Variants in SNTG1 observed in about 807,000 individuals in gnomAD.
SNTG1 encodes the protein gamma-1-syntrophin.
In SNTG1, 39 loss-of-function variants were observed where a neutral mutation model predicts 74.7. That is an observed-to-expected ratio of 0.52 (90% CI 0.40 to 0.68). The LOEUF (loss-of-function observed/expected upper bound fraction) is 0.68. SNTG1 is among the 30% of genes least tolerant of loss of function. The pLI is 0.00. For missense variants in SNTG1, 685 were observed against 609.5 expected (o/e 1.12, Z -1.30); for synonymous variants, 254 against 217.1 (o/e 1.17, Z -1.49).
chr8:50,169,648 A>G (rs185639578), intron 1 of SNTG1, among the ~76,000 whole-genome samples: 84 of 152,244 alleles, frequency 5.5e-4, no homozygotes, highest in Middle Eastern at 3.4e-3. Flanking sequence ...ACATTGATTA[A>G]CCTACCATTT....
chr8:50,435,250 G>A (rs953369990), intron 4 of SNTG1, among the ~76,000 whole-genome samples: 1 of 152,090 alleles, frequency 6.6e-6, no homozygotes, highest in East Asian at 1.9e-4. Context: ...TTAAATAAAG[G>A]CATTATATAT....
In SNTG1 at chr8:50,223,163, G is replaced by A. The variant is rs138439420; in HGVS notation, c.-28+50528G>A. ...AAAGATATATCAAGGGGAGGGTGATGAGGAATGACTGCTAATGGGTATAGG... is the reference window on the plus strand; with the variant it reads ...AAAGATATATCAAGGGGAGGGTGATAAGGAATGACTGCTAATGGGTATAGG... On this transcript the variant is annotated intron_variant, in intron 2 of 18. Transcript: ENST00000642720. Among the ~76,000 whole-genome samples the A allele has an allele frequency of 1.2e-3, 181 of 152,234 alleles. 2 individuals are homozygous for A. Among genetic ancestry groups the A allele is most frequent in the African/African-American group, 4.1e-3 (172 of 41,538 alleles).
chr8:50,043,477 G>A (rs1291352831), intron 1 of SNTG1, among the ~76,000 whole-genome samples: 2 of 152,154 alleles, frequency 1.3e-5, no homozygotes, highest in African/African-American at 4.8e-5. Context: ...TATTCACATT[G>A]AATTTATGAA....
At chr8:50,612,420 A>C (rs947274647) in intron 13 of SNTG1, among the ~76,000 whole-genome samples, 2 of 152,170 alleles carry the variant, frequency 1.3e-5, no homozygotes, top group African/African-American at 4.8e-5. Context: ...GCTTTCTCTA[A>C]ATTTCTCTTC....
intron 2 of SNTG1, among the ~76,000 whole-genome samples, chr8:50,331,931 G>A (rs1190191118): frequency 1.3e-5 from 2 of 152,220 alleles, no homozygotes; most frequent in Non-Finnish European, 2.9e-5. Flanking sequence ...TCAGAAGTCA[G>A]TCATGCCTGA....
intron 1 of SNTG1, among the ~76,000 whole-genome samples, chr8:50,106,269 A>T (rs915278906): frequency 1.3e-5 from 2 of 152,088 alleles, no homozygotes; most frequent in Non-Finnish European, 1.5e-5. Context: ...AGGAATTGTC[A>T]CACAGTTTTA....
intron 1 of SNTG1, among the ~76,000 whole-genome samples, chr8:49,969,805 T>C (rs1811493062): frequency 6.6e-6 from 1 of 152,134 alleles, no homozygotes; most frequent in South Asian, 2.1e-4. Flanking sequence ...CATCATGGTG[T>C]ATGTTCCAAG....
chr8:50,410,377 G>A (rs2092931776), intron 4 of SNTG1, among the ~76,000 whole-genome samples: 1 of 151,974 alleles, frequency 6.6e-6, no homozygotes, highest in African/African-American at 2.4e-5. Flanking sequence ...AATACACGTT[G>A]TCTATATTTT....
intron 8 of SNTG1, among the ~76,000 whole-genome samples, chr8:50,488,663 G>A (rs1355560401): frequency 1.3e-5 from 2 of 152,036 alleles, no homozygotes; most frequent in African/African-American, 2.4e-5. Flanking sequence ...TGAGCACTAG[G>A]CAATGACCAT....
intron 9 of SNTG1, among the ~76,000 whole-genome samples, chr8:50,522,128 A>C (rs2094184536): frequency 6.6e-6 from 1 of 152,110 alleles, no homozygotes. Flanking sequence ...ATATTTCTTA[A>C]ATAATATGAC....
At chr8:49,981,487 T>G (rs1023397455) in intron 1 of SNTG1, among the ~76,000 whole-genome samples, 13 of 152,128 alleles carry the variant, frequency 8.5e-5, no homozygotes, top group Admixed American at 6.5e-5. Context: ...AGTAGTGCAC[T>G]ATTGTTTGTA....
intron 9 of SNTG1, among the ~76,000 whole-genome samples, chr8:50,509,479 G>A (rs1258981445): frequency 2.0e-5 from 3 of 151,910 alleles, no homozygotes; most frequent in Non-Finnish European, 4.4e-5. Flanking sequence ...TGATGGGGAT[G>A]GCATTGAATC....
chr8:49,952,668 T>C (rs1019769805), intron 1 of SNTG1, among the ~76,000 whole-genome samples: 1 of 152,220 alleles, frequency 6.6e-6, no homozygotes, highest in Non-Finnish European at 1.5e-5. Context: ...GAGGCAGTGA[T>C]AGGATTGTGC....
intron 1 of SNTG1, among the ~76,000 whole-genome samples, chr8:50,103,422 T>C (rs1297480096): frequency 5.9e-5 from 9 of 151,880 alleles, no homozygotes; most frequent in East Asian, 1.9e-4. Context: ...TATCCTGAGA[T>C]TTTGCTGAAG....
intron 2 of SNTG1, among the ~76,000 whole-genome samples, chr8:50,353,369 C>A (rs867321077): frequency 4.6e-5 from 7 of 152,080 alleles, no homozygotes; most frequent in Admixed American, 4.6e-4. Flanking sequence ...CAAACCTGAA[C>A]GTAGTGCACA....
At chr8:50,163,869 T>C (rs1013633010) in intron 1 of SNTG1, 1 of 152,170 alleles carries the variant, frequency 6.6e-6, no homozygotes, top group African/African-American at 2.4e-5. Context: ...ACATGACAAG[T>C]TTAAGAATTC....
chr8:50,487,873 A>T (rs563013545), intron 8 of SNTG1, among the ~76,000 whole-genome samples: 1 of 152,308 alleles, frequency 6.6e-6, no homozygotes, highest in African/African-American at 2.4e-5. Flanking sequence ...AGTCTCTAGA[A>T]CTAAAGGGCT....
chr8:50,649,285 G>T (rs2095129519), intron 13 of SNTG1, among the ~76,000 whole-genome samples: 1 of 151,998 alleles, frequency 6.6e-6, no homozygotes, highest in Non-Finnish European at 1.5e-5. Flanking sequence ...ATAACTTGAG[G>T]TCAGGAGTGC....
At chr8:50,550,908 G>A (rs2094421891) in intron 11 of SNTG1, among the ~76,000 whole-genome samples, 1 of 152,018 alleles carries the variant, frequency 6.6e-6, no homozygotes, top group Non-Finnish European at 1.5e-5. Flanking sequence ...TTTCCCTAGT[G>A]CTTGATGAGA....
Sources: gnomAD v4.1 joint callset for allele counts (sites outside exome capture counted in the v4.1 genomes callset) on GRCh38, gnomAD v4.1.1 for gene constraint, MANE v1.5 for transcripts, NCBI Gene and HGNC (gene_info 2026-07-23, HGNC 2026-07-21) for gene names.